The following MAGI2 variants were observed in gnomAD, a reference collection of about 807,000 sequenced individuals.
The protein encoded by MAGI2 is membrane associated guanylate kinase, WW and PDZ domain containing 2.
In MAGI2, 35 loss-of-function variants were observed where a neutral mutation model predicts 133.3. That is an observed-to-expected ratio of 0.26 (90% CI 0.20 to 0.35). The LOEUF (loss-of-function observed/expected upper bound fraction) is 0.35, where lower values mean the gene tolerates loss of function less well. MAGI2 is among the 10% of genes least tolerant of loss of function. MAGI2 has a pLI of 1.00. For synonymous variants in MAGI2, 729 were observed against 710.6 expected (o/e 1.03, Z -0.41); for missense variants, 1,636 against 1,863.4 (o/e 0.88, Z 2.25).
intron 1 of MAGI2, among the ~76,000 whole-genome samples, chr7:79,124,214 G>C (rs1820185222): frequency 6.6e-6 from 1 of 152,248 alleles, no homozygotes; most frequent in South Asian, 2.1e-4. Context: ...GAAAGGCCAA[G>C]ATAACCTAAA....
chr7:78,574,875 C>T lies in MAGI2; in HGVS notation c.538+52245G>A, dbSNP rs111879951. Among the ~76,000 whole-genome samples the T allele has an allele frequency of 3.0e-4, 45 of 152,232 alleles. No homozygotes were observed. In the South Asian group the frequency reaches 3.9e-3, roughly 13 times the overall value. On this transcript the variant is annotated intron_variant, in intron 3 of 21. Transcript: ENST00000354212. ...TTTGTATGCAGTGAATAGTTATCAT[C>T]CAAAAAATCAGCTTTTGTAAATGTA...
chr7:78,060,289 T>G (rs558399149), intron 21 of MAGI2, among the ~76,000 whole-genome samples: 1 of 144,414 alleles, frequency 6.9e-6, no homozygotes. Flanking sequence ...AGTGAAAATT[T>G]GGGCCACCAA....
chr7:79,157,427 G>A (rs548051850), intron 1 of MAGI2, among the ~76,000 whole-genome samples: 1 of 152,112 alleles, frequency 6.6e-6, no homozygotes, highest in South Asian at 2.1e-4. Flanking sequence ...CAGACCACTG[G>A]AGAGAGAAAC....
At chr7:79,324,687 A>G (rs865867431) in intron 1 of MAGI2, among the ~76,000 whole-genome samples, 80 of 7,972 alleles carry the variant, frequency 0.01, 22 homozygotes, top group African/African-American at 0.02. Flanking sequence ...TATATTATAT[A>G]TATATAAAAT....
chr7:78,215,926 A>C lies in MAGI2; in HGVS notation c.2048-14733T>G, dbSNP rs146378557. ...CTGGGGTAGACTTATGAGGCATAGC[A>C]GTTAAATAAGCATTAGCTTTGTTAT... On this transcript the variant is annotated intron_variant, in intron 10 of 21. Coordinates refer to ENST00000354212, the MANE Select transcript of MAGI2 (RefSeq NM_012301.4). Among the ~76,000 whole-genome samples the C allele has an allele frequency of 2.2e-3, 340 of 152,354 alleles. 1 individual carries two copies. The highest frequency in any genetic ancestry group is 7.7e-3 in the African/African-American group (322 of 41,584).
intron 1 of MAGI2, chr7:79,125,547 G>A (rs1361851837): frequency 2.0e-6 from 1 of 511,304 alleles, no homozygotes; most frequent in African/African-American, 1.9e-5. Context: ...GCTATGGTGG[G>A]AGTGGCAGCT....
rs528943184 is a variant in MAGI2 at position 78,142,276 on chromosome 7, G to T, written c.2846-7070C>A. On this transcript the variant is annotated intron_variant, in intron 16 of 21. Coordinates refer to ENST00000354212, the MANE Select transcript of MAGI2 (RefSeq NM_012301.4). ...CTAGACCCTGCAAATTATGTAGTTG[G>T]TCTTAGGTAGATCTGTCCATAATGT... Among the ~76,000 whole-genome samples, 15 of 152,242 alleles carry T rather than the reference G, an allele frequency of 9.9e-5. No individual in the cohort carries two copies. In the South Asian group the frequency reaches 2.5e-3, roughly 25 times the overall value.
At chr7:78,308,713 C>A (rs1278265408) in intron 9 of MAGI2, among the ~76,000 whole-genome samples, 1 of 152,066 alleles carries the variant, frequency 6.6e-6, no homozygotes. Flanking sequence ...CTCCTTAGGT[C>A]TATACTTGAA....
intron 1 of MAGI2, among the ~76,000 whole-genome samples, chr7:79,178,934 G>A (rs551865357): frequency 6.6e-6 from 1 of 151,944 alleles, no homozygotes; most frequent in South Asian, 2.1e-4. Flanking sequence ...TGTCTACATA[G>A]TATGAGAGCA....
chr7:78,418,101 C>T (rs192953704), intron 6 of MAGI2, among the ~76,000 whole-genome samples: 80 of 152,226 alleles, frequency 5.3e-4, no homozygotes, highest in African/African-American at 1.8e-3. Context: ...TTGCAGTGAG[C>T]TATCATTGTG....
chr7:78,717,462 T>A (rs1278204309), intron 2 of MAGI2, among the ~76,000 whole-genome samples: 1 of 152,164 alleles, frequency 6.6e-6, no homozygotes, highest in African/African-American at 2.4e-5. Flanking sequence ...GGTGAAAATC[T>A]GCTACAAATT....
At chr7:79,053,725 AT>A (rs1812889922) in intron 1 of MAGI2, among the ~76,000 whole-genome samples, 1 of 152,228 alleles carries the variant, frequency 6.6e-6, no homozygotes, top group African/African-American at 2.4e-5. Flanking sequence ...AATTGAAAAA[AT>A]ATCCTGTATT....
chr7:78,841,991 A>ACT (rs1792184590), intron 2 of MAGI2, among the ~76,000 whole-genome samples: 1 of 151,986 alleles, frequency 6.6e-6, no homozygotes, highest in Non-Finnish European at 1.5e-5. Flanking sequence ...AACTATCAGT[A>ACT]CATAGATGAG....
At chr7:78,277,025 AGTTCTATTTTTACTAATTT>A (rs2151001038) in intron 9 of MAGI2, among the ~76,000 whole-genome samples, 1 of 152,326 alleles carries the variant, frequency 6.6e-6, no homozygotes, top group East Asian at 1.9e-4. Flanking sequence ...TTATTAAATT[AGTTCTATTTTTACTAATTT>A]AACTACTAGT....
At chr7:78,160,336 A>G (rs1438378830) in intron 15 of MAGI2, 63 bp from the exon 16 acceptor site, 7 of 1,493,620 alleles carry the variant, frequency 4.7e-6, no homozygotes, top group Admixed American at 2.1e-5. Context: ...AATGCTTCCT[A>G]TGTACTAGGC....
chr7:78,344,504 C>G (rs1790703446), intron 8 of MAGI2, among the ~76,000 whole-genome samples: 1 of 151,972 alleles, frequency 6.6e-6, no homozygotes. Context: ...AACAGAGAAA[C>G]AGTGGAATGT....
chr7:79,087,974 T>G (rs73369322), intron 1 of MAGI2, among the ~76,000 whole-genome samples: 1 of 151,898 alleles, frequency 6.6e-6, no homozygotes, highest in African/African-American at 2.4e-5. Context: ...ATTTTTACTA[T>G]GCAGCCTTAT....
At chr7:78,492,617 G>A (rs1793725795) in intron 5 of MAGI2, among the ~76,000 whole-genome samples, 1 of 152,090 alleles carries the variant, frequency 6.6e-6, no homozygotes, top group African/African-American at 2.4e-5. Context: ...TGTTCAGAAT[G>A]GGATAATTGA....
chr7:78,326,188 A>G (rs2151136315), intron 9 of MAGI2, among the ~76,000 whole-genome samples: 2 of 152,352 alleles, frequency 1.3e-5, no homozygotes, highest in South Asian at 2.1e-4. Context: ...CCCCAGGCTC[A>G]TAGTAAATGC....
Sources: gnomAD v4.1 joint callset for allele counts (sites outside exome capture counted in the v4.1 genomes callset) on GRCh38, gnomAD v4.1.1 for gene constraint, MANE v1.5 for transcripts, NCBI Gene and HGNC (gene_info 2026-07-23, HGNC 2026-07-21) for gene names.